DCC: variants seen among roughly 807,000 people sequenced by gnomAD.
DCC encodes DCC netrin 1 receptor.
Under a neutral mutation model 172.5 loss-of-function variants are expected in DCC, and 58 were observed. That is an observed-to-expected ratio of 0.34 (90% CI 0.27 to 0.42). The LOEUF is 0.42. Ranked by LOEUF, DCC falls within the 10% of genes least tolerant of loss-of-function variation. The pLI is 1.00. For synonymous variants in DCC, 709 were observed against 644.5 expected (o/e 1.10, Z -1.52); for missense variants, 1,740 against 1,791.0 (o/e 0.97, Z 0.51).
At position 52,467,896 on chromosome 18, in the gene DCC, T is replaced by C. The variant is rs543835818; in HGVS notation, c.91+127018T>C. Among the ~76,000 whole-genome samples the C allele has an allele frequency of 1.6e-3, 243 of 152,332 alleles. 1 individual carries two copies. Among genetic ancestry groups the C allele is most frequent in the African/African-American group, 5.6e-3 (233 of 41,574 alleles). Reference sequence around the variant, plus strand: ...CTTTGCCCACTTTATGATGGGACTGTTTTCTTTTTTCTTGTAAATTTGTTT... The same window carrying C: ...CTTTGCCCACTTTATGATGGGACTGCTTTCTTTTTTCTTGTAAATTTGTTT... On this transcript the variant is annotated intron_variant, in intron 1 of 28. Transcript: ENST00000442544.
At position 53,430,999 on chromosome 18, in the gene DCC, T is replaced by A. The variant is rs141521933; in HGVS notation, c.3164-4145T>A. On this transcript the variant is annotated intron_variant, in intron 21 of 28. Coordinates refer to ENST00000442544, the MANE Select transcript of DCC (RefSeq NM_005215.4). ...TAAATAAAATGTGTAAGGCAACCCC[T>A]TAAACGACTTTATGACATTTTAAAA... is the stretch of plus-strand genomic sequence containing the variant. Among the ~76,000 whole-genome samples the A allele has an allele frequency of 7.3e-3, 1,114 of 152,190 alleles. 17 individuals are homozygous for A. Among genetic ancestry groups the A allele is most frequent in the Admixed American group, 0.027 (415 of 15,276 alleles).
intron 1 of DCC, among the ~76,000 whole-genome samples, chr18:52,456,044 A>G (rs1431871365): frequency 6.6e-6 from 1 of 152,210 alleles, no homozygotes; most frequent in Non-Finnish European, 1.5e-5. Flanking sequence ...TCTAAGCCAG[A>G]ATATCCTGTA....
chr18:53,138,388 T>C (rs2043779001), intron 7 of DCC, among the ~76,000 whole-genome samples: 1 of 152,188 alleles, frequency 6.6e-6, no homozygotes, highest in Non-Finnish European at 1.5e-5. Context: ...ATTCAAATTA[T>C]CTTATGGTTG....
chr18:53,224,402 G>A (rs948070605), intron 12 of DCC, among the ~76,000 whole-genome samples: 2 of 152,148 alleles, frequency 1.3e-5, no homozygotes, highest in Admixed American at 6.5e-5. Context: ...CAGATCTGGC[G>A]GGGCTTTGTA....
chr18:52,571,310 G>C (rs952551004), intron 1 of DCC, among the ~76,000 whole-genome samples: 2 of 149,356 alleles, frequency 1.3e-5, no homozygotes, highest in Non-Finnish European at 1.5e-5. Flanking sequence ...TAGCCTCTAT[G>C]GGTGGGGGAA....
chr18:53,412,387 A>G (rs953924280), intron 20 of DCC, among the ~76,000 whole-genome samples: 4 of 152,158 alleles, frequency 2.6e-5, no homozygotes, highest in Non-Finnish European at 4.4e-5. Context: ...GTACATGTAT[A>G]CATCTTACAA....
chr18:53,454,636 G>A (rs568965425), intron 23 of DCC, among the ~76,000 whole-genome samples: 45 of 152,284 alleles, frequency 3.0e-4, no homozygotes, highest in Admixed American at 8.5e-4. Context: ...AGAACCACTG[G>A]CTGGCTGGGC....
chr18:52,397,669 G>A (rs1986282100), intron 1 of DCC, among the ~76,000 whole-genome samples: 1 of 152,014 alleles, frequency 6.6e-6, no homozygotes, highest in Non-Finnish European at 1.5e-5. Context: ...ATAGCTGTGT[G>A]TATGACTCTT....
At chr18:52,569,498 G>A (rs999375095) in intron 1 of DCC, among the ~76,000 whole-genome samples, 3 of 152,140 alleles carry the variant, frequency 2.0e-5, no homozygotes, top group Non-Finnish European at 4.4e-5. Flanking sequence ...ATTTAATGAT[G>A]AAGAAATAAA....
At chr18:52,685,737 A>G (rs192687293) in intron 1 of DCC, among the ~76,000 whole-genome samples, 12 of 152,132 alleles carry the variant, frequency 7.9e-5, no homozygotes, top group African/African-American at 2.4e-4. Context: ...TTAAATATAT[A>G]CTGTTCAAGT....
chr18:52,758,623 A>T (rs898563578), intron 2 of DCC, among the ~76,000 whole-genome samples: 3 of 151,954 alleles, frequency 2.0e-5, no homozygotes, highest in Admixed American at 2.0e-4. Flanking sequence ...AGAATGAAGC[A>T]TTTTGTGAAA....
chr18:52,407,405 AGGTCC>A (rs1986691451), intron 1 of DCC, among the ~76,000 whole-genome samples: 1 of 152,118 alleles, frequency 6.6e-6, no homozygotes, highest in African/African-American at 2.4e-5. Flanking sequence ...TCGGTTGTCC[AGGTCC>A]AAAAGAGGTC....
chr18:53,442,844 A>G (rs1242543582), intron 22 of DCC, among the ~76,000 whole-genome samples: 2 of 152,254 alleles, frequency 1.3e-5, no homozygotes, highest in Non-Finnish European at 2.9e-5. Flanking sequence ...TGGATAAAAG[A>G]TAAAACCAGC....
intron 1 of DCC, among the ~76,000 whole-genome samples, chr18:52,352,341 A>G (rs933558323): frequency 1.3e-5 from 2 of 152,210 alleles, no homozygotes; most frequent in Non-Finnish European, 2.9e-5. Context: ...AGACTTAAAT[A>G]TAAATTAAGG....
rs542455796 is a variant in DCC, at chr18:53,334,510, A to T, written c.2165-5203A>T. On this transcript the variant is annotated intron_variant, in intron 14 of 28. Coordinates refer to ENST00000442544, the MANE Select transcript of DCC (RefSeq NM_005215.4). ...ACATTCATGTTGTCATGCAGCCATCACCACCACCCATCTCCAGAACTCTTT... is the reference window on the plus strand; with the variant it reads ...ACATTCATGTTGTCATGCAGCCATCTCCACCACCCATCTCCAGAACTCTTT... 1.1e-3 allele frequency among the ~76,000 whole-genome samples: 165 copies of T among 152,288 alleles called. 1 individual carries two copies. The highest frequency in any genetic ancestry group is 3.8e-3 in the African/African-American group (160 of 41,574).
intron 20 of DCC, among the ~76,000 whole-genome samples, chr18:53,415,620 G>A (rs1910265665): frequency 6.6e-6 from 1 of 152,080 alleles, no homozygotes; most frequent in Non-Finnish European, 1.5e-5. Flanking sequence ...CAACTCAGGA[G>A]CTATCTTCAC....
chr18:53,215,106 G>T (rs1413222302), intron 11 of DCC, among the ~76,000 whole-genome samples: 1 of 152,122 alleles, frequency 6.6e-6, no homozygotes, highest in African/African-American at 2.4e-5. Context: ...GCATTACAGG[G>T]ATTAAGAAAC....
chr18:53,277,441 C>G (rs145714767), intron 12 of DCC, among the ~76,000 whole-genome samples: 191 of 152,264 alleles, frequency 1.3e-3, no homozygotes, highest in African/African-American at 3.9e-3. Flanking sequence ...TCCTCCAGCA[C>G]TTTCAATGTT....
intron 5 of DCC, among the ~76,000 whole-genome samples, chr18:53,004,466 C>A (rs2041614431): frequency 6.6e-6 from 1 of 152,152 alleles, no homozygotes; most frequent in African/African-American, 2.4e-5. Context: ...CCTGTGAAAA[C>A]CACTTCTTTG....
Sources: allele counts gnomAD v4.1 joint callset (sites outside exome capture counted in the v4.1 genomes callset), GRCh38; gene constraint gnomAD v4.1.1; transcripts MANE v1.5; gene names NCBI Gene and HGNC (gene_info 2026-07-23, HGNC 2026-07-21).